The following PRKN variants were observed in gnomAD, a reference collection of about 807,000 sequenced individuals.
PRKN encodes parkin RBR E3 ubiquitin protein ligase.
PRKN carries 56 observed loss-of-function variants against 59.5 expected under a neutral mutation model. The ratio of observed to expected loss-of-function variants is 0.94; its 90% CI spans 0.76 to 1.18. The LOEUF is 1.18. PRKN is among the 50% of genes most tolerant of loss of function. PRKN has a pLI of 0.00. For synonymous variants in PRKN, 250 were observed against 222.1 expected, an observed-to-expected ratio of 1.13 and a Z score of -1.12; for missense variants, 657 against 596.4, an observed-to-expected ratio of 1.10 and a Z score of -1.06.
chr6:161,856,509 T>A (rs892884394), intron 6 of PRKN, among the ~76,000 whole-genome samples: 3 of 152,158 alleles, frequency 2.0e-5, no homozygotes, highest in Admixed American at 6.6e-5. Flanking sequence ...TATAACATCA[T>A]ATTTCATTTA....
In PRKN at chr6:161,630,515, T is replaced by TAA; in HGVS notation, c.872-61100_872-61099insTT. Among the ~76,000 whole-genome samples the TAA allele has an allele frequency of 2.0e-5, 3 of 152,310 alleles. No individual in the cohort carries two copies. In the Middle Eastern group the frequency reaches 0.01, roughly 518 times the overall value. On this transcript the variant is annotated intron_variant, in intron 7 of 11. Coordinates refer to ENST00000366898, the MANE Select transcript of PRKN (RefSeq NM_004562.3). The stretch of plus-strand genomic sequence containing the variant: ...TTAATGAGTTTCCAAAAGCAGAGAG[T>TAA]ATCTTAAATCTTCCTGTACTTCCAA...
rs1779072364 is a variant in PRKN, at chr6:161,527,958, C to T, written c.1083+20896G>A. Among the ~76,000 whole-genome samples the T allele has an allele frequency of 6.6e-6, 1 of 152,176 alleles. No individual in the cohort carries two copies. Among genetic ancestry groups the T allele is most frequent in the South Asian group, 2.1e-4 (1 of 4,828 alleles). ...ACTGCTTTTAAACATTTCTTTCCCCCCACTTAGTCCCCAGAGACTTAGAGT... is the reference window on the plus strand; with the variant it reads ...ACTGCTTTTAAACATTTCTTTCCCCTCACTTAGTCCCCAGAGACTTAGAGT... On this transcript the variant is annotated intron_variant, in intron 9 of 11. Coordinates refer to ENST00000366898, the MANE Select transcript of PRKN (RefSeq NM_004562.3). This position sits in a 1 kb window ranked among gnomAD's most constrained non-coding sequence, Gnocchi z 4.6.
intron 7 of PRKN, among the ~76,000 whole-genome samples, chr6:161,755,719 T>C (rs1274074962): frequency 6.6e-6 from 1 of 152,132 alleles, no homozygotes; most frequent in Non-Finnish European, 1.5e-5. Flanking sequence ...GTGAAGACAC[T>C]GGAAGTAAAA....
chr6:161,918,262 A>G (rs1009803239), intron 6 of PRKN, among the ~76,000 whole-genome samples: 96 of 152,312 alleles, frequency 6.3e-4, no homozygotes, highest in African/African-American at 2.3e-3. Context: ...CATTGCTTCA[A>G]TTTGCTGACG....
chr6:162,574,973 C>T (rs1290237669), intron 1 of PRKN, among the ~76,000 whole-genome samples: 2 of 152,072 alleles, frequency 1.3e-5, no homozygotes, highest in Non-Finnish European at 2.9e-5. Context: ...TTGTTTTATG[C>T]TTTTCAAATA....
At chr6:161,837,468 T>G (rs1792805620) in intron 6 of PRKN, among the ~76,000 whole-genome samples, 1 of 152,096 alleles carries the variant, frequency 6.6e-6, no homozygotes, top group East Asian at 1.9e-4. Context: ...CTCATTTAAT[T>G]AAGTCTTTAG....
intron 5 of PRKN, among the ~76,000 whole-genome samples, chr6:162,033,551 A>C (rs187517539): frequency 6.6e-5 from 10 of 152,318 alleles, no homozygotes; most frequent in Admixed American, 5.9e-4. Flanking sequence ...TTTAAAGATC[A>C]TCTAGCCCCA....
intron 7 of PRKN, among the ~76,000 whole-genome samples, chr6:161,736,467 A>G (rs1047691892): frequency 3.3e-5 from 5 of 152,226 alleles, no homozygotes; most frequent in African/African-American, 9.6e-5. Flanking sequence ...AGCCCTGGAT[A>G]AACACTGTGA....
intron 7 of PRKN, among the ~76,000 whole-genome samples, chr6:161,633,997 A>AACACACACACACACACAC (rs141101298): frequency 3.5e-5 from 5 of 142,128 alleles, no homozygotes; most frequent in African/African-American, 1.3e-4. Flanking sequence ...GGAAAACTTA[A>AACACACACACACACACAC]ACACACACAC....
At position 161,564,250 on chromosome 6, in the gene PRKN, T is replaced by A. The variant is rs143789860; in HGVS notation, c.933+5105A>T. On this transcript the variant is annotated intron_variant, in intron 8 of 11. Coordinates refer to ENST00000366898, the MANE Select transcript of PRKN (RefSeq NM_004562.3). ...TCTGCCTAGAGGCCAGTAGGTCTTG[T>A]CATGAATAATCAGGATATAAACGTC... 7.9e-5 allele frequency among the ~76,000 whole-genome samples: 12 copies of A among 152,280 alleles called. No individual in the cohort carries two copies. The East Asian group carries it at 2.3e-3, about 30-fold the overall frequency.
Position 162,177,647 on chromosome 6 carries a change from G to GA in PRKN, c.534+23483dup, listed in dbSNP as rs528789561. Reference sequence around the variant, plus strand: ...TAAAAGGACTTTGATATAATTAAGCGAAAAAAAAAATAAAAGCAAAGCACG... The same window carrying GA: ...TAAAAGGACTTTGATATAATTAAGCGAAAAAAAAAAATAAAAGCAAAGCACG... On this transcript the variant is annotated intron_variant, in intron 4 of 11. Coordinates refer to ENST00000366898, the MANE Select transcript of PRKN (RefSeq NM_004562.3). Among the ~76,000 whole-genome samples, 1,044 of 147,126 alleles carry GA rather than the reference G, an allele frequency of 7.1e-3. 12 individuals are homozygous for GA. The highest frequency in any genetic ancestry group is 0.023 in the African/African-American group (929 of 40,108).
chr6:161,907,058 A>C (rs1167052194), intron 6 of PRKN, among the ~76,000 whole-genome samples: 2 of 152,114 alleles, frequency 1.3e-5, no homozygotes, highest in African/African-American at 4.8e-5. Flanking sequence ...ACCAGGAATG[A>C]TACTTTGCAT....
intron 5 of PRKN, among the ~76,000 whole-genome samples, chr6:162,051,012 G>A (rs1351168850): frequency 3.3e-5 from 5 of 152,124 alleles, no homozygotes; most frequent in Non-Finnish European, 5.9e-5. Flanking sequence ...TCCCATATGT[G>A]TTAGGAGTGT....
Position 161,630,561 on chromosome 6 carries a change from G to A in PRKN, c.872-61145C>T, listed in dbSNP as rs575747939. Among the ~76,000 whole-genome samples, 16 of 152,264 alleles carry A rather than the reference G, an allele frequency of 1.1e-4. No homozygotes were observed. The South Asian group carries it at 3.3e-3, about 32-fold the overall frequency. The stretch of plus-strand genomic sequence containing the variant: ...TCCAAGAATTACATTGTTTTAAGAT[G>A]TCTTTTAAAGCAGTTTCAGAAGTAC... On this transcript the variant is annotated intron_variant, in intron 7 of 11. Transcript: ENST00000366898.
chr6:162,421,955 C>T (rs1248237163), intron 2 of PRKN, among the ~76,000 whole-genome samples: 3 of 152,146 alleles, frequency 2.0e-5, no homozygotes, highest in Admixed American at 2.0e-4. Flanking sequence ...TATCTAATTT[C>T]AGCAAGGAAA....
Position 161,544,100 on chromosome 6 carries a change from T to C in PRKN, c.1083+4754A>G, listed in dbSNP as rs867204872. 6.6e-5 allele frequency among the ~76,000 whole-genome samples: 10 copies of C among 152,326 alleles called. No homozygotes were observed. The Middle Eastern group carries it at 0.014, about 207-fold the overall frequency. ...AATACATTCTCTGCTGCGTTCTATC[T>C]ATGTAAAAATATTCTGTGCTGAGTC... On this transcript the variant is annotated intron_variant, in intron 9 of 11. Transcript: ENST00000366898. This position sits in a 1 kb window ranked among gnomAD's most constrained non-coding sequence, Gnocchi z 5.5.
intron 4 of PRKN, among the ~76,000 whole-genome samples, chr6:162,055,451 C>T (rs186124990): frequency 2.4e-4 from 36 of 152,200 alleles, no homozygotes; most frequent in African/African-American, 7.9e-4. Context: ...TGTGAGGGCT[C>T]AGGGTTCAGG....
rs1054586742 is a variant in PRKN, at chr6:161,547,148, T to C, written c.1083+1706A>G. 2.6e-5 allele frequency among the ~76,000 whole-genome samples: 4 copies of C among 152,174 alleles called. No individual in the cohort carries two copies. The highest frequency in any genetic ancestry group is 6.5e-5 in the Admixed American group (1 of 15,278). On this transcript the variant is annotated intron_variant, in intron 9 of 11. Transcript: ENST00000366898. The surrounding 1 kb of genome is among the most constrained non-coding windows in gnomAD (Gnocchi z 4.0). ...AGAATTTGGAGTTGCTATGCAGTCATAGATAACTAATACACAAACCAACAA... is the reference window on the plus strand; with the variant it reads ...AGAATTTGGAGTTGCTATGCAGTCACAGATAACTAATACACAAACCAACAA...
chr6:162,201,505 C>A (rs1025981608), intron 3 of PRKN, among the ~76,000 whole-genome samples: 3 of 152,182 alleles, frequency 2.0e-5, no homozygotes, highest in Non-Finnish European at 4.4e-5. Context: ...AAGCAGCCTA[C>A]TGCCAAGAGA....
Sources: gnomAD v4.1 joint callset for allele counts (sites outside exome capture counted in the v4.1 genomes callset) on GRCh38, gnomAD v4.1.1 for gene constraint, Gnocchi (gnomAD v3.1) non-coding constraint, MANE v1.5 for transcripts, NCBI Gene and HGNC (gene_info 2026-07-23, HGNC 2026-07-21) for gene names.